The following CFAP47 variants were observed in gnomAD, a reference collection of about 807,000 sequenced individuals.
The protein encoded by CFAP47 is cilia and flagella associated protein 47, also known as cilia- and flagella-associated protein 47.
A neutral mutation model predicts 148.1 loss-of-function variants in CFAP47; 29 were observed. The observed-to-expected ratio is 0.20, with a 90% CI of 0.15 to 0.27. CFAP47 has a LOEUF of 0.27. CFAP47 is among the 10% of genes least tolerant of loss of function. CFAP47 has a pLI of 1.00. For synonymous variants in CFAP47, 664 were observed against 577.3 expected (o/e 1.15, Z -2.15); for missense variants, 1,872 against 1,697.5 (o/e 1.10, Z -1.81).
chrX:35,952,962 T>C (rs1249505933), intron 6 of CFAP47, among the ~76,000 whole-genome samples: 2 of 112,271 alleles, frequency 1.8e-5, no homozygotes, highest in Non-Finnish European at 3.8e-5. Flanking sequence ...TAAATGTAGT[T>C]GAGTTTGCAC....
At chrX:36,141,705 GAT>G (rs1939144113) in intron 35 of CFAP47, among the ~76,000 whole-genome samples, 1 of 112,248 alleles carries the variant, frequency 8.9e-6, no homozygotes, top group African/African-American at 3.2e-5. Flanking sequence ...TTTATAAAAA[GAT>G]AAAGCCAGAC....
chrX:36,159,168 A>G (rs1939401936), intron 37 of CFAP47, among the ~76,000 whole-genome samples: 1 of 112,042 alleles, frequency 8.9e-6, no homozygotes, highest in Non-Finnish European at 1.9e-5. Flanking sequence ...CAATTCATAC[A>G]TGGTTTCCTG....
intron 62 of CFAP47, among the ~76,000 whole-genome samples, chrX:36,375,531 A>G (rs181474655): frequency 1.8e-5 from 2 of 112,111 alleles, no homozygotes; most frequent in Non-Finnish European, 3.8e-5. Context: ...TATAGCTGTT[A>G]TGTACATTTA....
intron 33 of CFAP47, among the ~76,000 whole-genome samples, chrX:36,117,850 T>C (rs1464237881): frequency 2.7e-5 from 3 of 111,987 alleles, no homozygotes; most frequent in African/African-American, 9.7e-5. Context: ...CCTTAAGTTT[T>C]TTTGTAGTAA....
chrX:36,237,226 T>G (rs1940479480), intron 48 of CFAP47, among the ~76,000 whole-genome samples: 1 of 112,765 alleles, frequency 8.9e-6, no homozygotes, highest in Admixed American at 9.4e-5. Context: ...AAACAAAATT[T>G]CAGAAGTGTA....
In CFAP47 at chrX:35,975,448, T is replaced by G. The variant is rs182411331; in HGVS notation, c.2471+85T>G. 130 of 673,107 alleles carry G rather than the reference T, an allele frequency of 1.9e-4. No individual in the cohort carries two copies. In the African/African-American group the frequency reaches 2.8e-3, roughly 14 times the overall value. 55.5% of individuals were successfully genotyped at this position (673,107 alleles called of 1,213,427 possible). ...TATTTATTTTCCTGAATAATTGTAT[T>G]GTATATTATATTTGTTCTCCAAACA... On this transcript the variant is annotated intron_variant, in intron 14 of 63. Transcript: ENST00000378653.
chrX:36,309,455 G>T (rs1941376263), intron 55 of CFAP47, among the ~76,000 whole-genome samples: 1 of 111,360 alleles, frequency 9.0e-6, no homozygotes, highest in South Asian at 3.7e-4. Context: ...TCCTTTAGAA[G>T]AAGATTGAGA....
chrX:36,130,472 G>T (rs764965042), intron 33 of CFAP47, among the ~76,000 whole-genome samples: 1 of 111,055 alleles, frequency 9.0e-6, no homozygotes, highest in African/African-American at 3.3e-5. Flanking sequence ...GTACACTGTT[G>T]GGGGGAATGT....
At chrX:35,925,909 C>T (rs747185094) in intron 1 of CFAP47, 108 bp from the exon 2 acceptor site, 3 of 601,822 alleles carry the variant, frequency 5.0e-6, no homozygotes, top group Non-Finnish European at 5.0e-6. Context: ...CTGGCCTCCA[C>T]CTCCCAAAGT....
chrX:35,944,134 A>C (rs1287613507), intron 3 of CFAP47, among the ~76,000 whole-genome samples: 4 of 110,912 alleles, frequency 3.6e-5, no homozygotes, highest in African/African-American at 9.8e-5. Flanking sequence ...TCATTTCTCT[A>C]CTTCATTGTC....
At position 36,303,945 on chromosome X, in the gene CFAP47, T is replaced by C; in HGVS notation, c.8067T>C (p.Ile2689=). 9.4e-7 allele frequency: 1 copy of C among 1,064,700 alleles called. No individual in the cohort carries two copies. The allele number at this position is 1,064,700 out of a possible 1,213,427, so 87.7% of individuals were successfully genotyped here. A position where few individuals can be genotyped will look rare whatever the true frequency, so the allele number is the denominator to read the frequency against. The change falls in exon 54 of 64, where the codon ATT becomes ATC. Residue 2689 remains isoleucine (I), a synonymous_variant. Coordinates refer to ENST00000378653, the MANE Select transcript of CFAP47 (RefSeq NM_001304548.2). ...ATCCTGAAAATTTTGTCCTGGATAT[T>C]AACAGAAAATCACAAGTAAGTAAAT... The part of the protein sequence containing the change: ...NSNPENFVLD[I]NRKSQLIISP...
intron 49 of CFAP47, among the ~76,000 whole-genome samples, chrX:36,277,288 C>T (rs1320837149): frequency 1.8e-5 from 2 of 111,669 alleles, no homozygotes; most frequent in Non-Finnish European, 3.8e-5. Flanking sequence ...AGTCTCTATC[C>T]TCTGTCTTTT....
intron 18 of CFAP47, among the ~76,000 whole-genome samples, chrX:35,994,220 T>A (rs903895587): frequency 5.5e-5 from 6 of 109,825 alleles, no homozygotes; most frequent in African/African-American, 2.0e-4. Flanking sequence ...TGAGATCACA[T>A]CACTGCACTC....
In CFAP47 at chrX:36,184,735, A is replaced by G. The variant is rs782248568; in HGVS notation, c.6105-3885A>G. 1.5e-4 allele frequency among the ~76,000 whole-genome samples: 17 copies of G among 111,602 alleles called. No homozygotes were observed. In the East Asian group the frequency reaches 4.6e-3, roughly 30 times the overall value. On this transcript the variant is annotated intron_variant, in intron 40 of 63. Coordinates refer to ENST00000378653, the MANE Select transcript of CFAP47 (RefSeq NM_001304548.2). ...GATCACCTGAGGTCGGGAGTTCGAG[A>G]CCAGCCTGACCAATATGGTGACGCC... is the stretch of plus-strand genomic sequence containing the variant.
rs1935550063 is a variant in CFAP47, at chrX:35,919,932, G to A, written c.133G>A (p.Ala45Thr). 4.1e-6 allele frequency: 5 copies of A among 1,211,414 alleles called. No individual in the cohort carries two copies. The African/African-American group carries it at 8.7e-5, about 21-fold the overall frequency. ...GRDMQLRVIPAEVKFLDTMAG... is the reference protein window; with the variant it reads ...GRDMQLRVIPTEVKFLDTMAG... ...AGACATGCAGCTGCGGGTGATCCCG[G>A]CTGAGGTGAAGTTCCTGGACACGAT... The change falls in exon 1 of 64, where the codon GCT (alanine) becomes ACT (threonine). Residue 45 changes from alanine (A) to threonine (T), a missense_variant. Ala to Thr is a moderately conservative substitution (Grantham distance 58, BLOSUM62 0). Coordinates refer to ENST00000378653, the MANE Select transcript of CFAP47 (RefSeq NM_001304548.2).
chrX:36,047,922 C>A (rs1459447413), intron 26 of CFAP47, among the ~76,000 whole-genome samples: 1 of 111,983 alleles, frequency 8.9e-6, no homozygotes, highest in Non-Finnish European at 1.9e-5. Flanking sequence ...AGAAACTTTG[C>A]AAATCATAGA....
At chrX:36,103,159 A>G (rs913457361) in intron 32 of CFAP47, among the ~76,000 whole-genome samples, 1 of 110,970 alleles carries the variant, frequency 9.0e-6, no homozygotes, top group Non-Finnish European at 1.9e-5. Flanking sequence ...CCCTAAAAGC[A>G]GACACTGAGA....
In CFAP47 at chrX:36,371,672, ATGTGTATATATG is replaced by A. The variant is rs1941943919; in HGVS notation, c.9185+4556_9185+4567del. Among the ~76,000 whole-genome samples, 2 of 70,101 alleles carry A rather than the reference ATGTGTATATATG, an allele frequency of 2.9e-5. 1 individual carries two copies. Among genetic ancestry groups the A allele is most frequent in the African/African-American group, 1.7e-4 (2 of 11,998 alleles). The allele number at this position is 70,101 out of a possible 115,157, so 60.9% of individuals were successfully genotyped here. On this transcript the variant is annotated intron_variant, in intron 62 of 63. Coordinates refer to ENST00000378653, the MANE Select transcript of CFAP47 (RefSeq NM_001304548.2). ...TGTATATATGTGTGTATATACACAC[ATGTGTATATATG>A]TGTGTATATACACACATGTGTATAT... is the stretch of plus-strand genomic sequence containing the variant.
intron 33 of CFAP47, among the ~76,000 whole-genome samples, chrX:36,126,361 C>T (rs1355984348): frequency 9.0e-6 from 1 of 111,180 alleles, no homozygotes; most frequent in Non-Finnish European, 1.9e-5. Flanking sequence ...GTTTTCTGTT[C>T]ACGTGATAGT....
Sources: allele counts gnomAD v4.1 joint callset (sites outside exome capture counted in the v4.1 genomes callset), GRCh38; gene constraint gnomAD v4.1.1; transcripts MANE v1.5; gene names NCBI Gene and HGNC (gene_info 2026-07-23, HGNC 2026-07-21).